TBC1D22A: variants seen among roughly 807,000 people sequenced by gnomAD.
TBC1D22A encodes TBC1 domain family member 22A.
TBC1D22A carries 38 observed loss-of-function variants against 60.2 expected under a neutral mutation model. The ratio of observed to expected loss-of-function variants is 0.63; its 90% confidence interval spans 0.49 to 0.83. TBC1D22A has a LOEUF of 0.83. Among genes scored for constraint, TBC1D22A ranks in the 40% least tolerant of loss-of-function variants. TBC1D22A has a pLI of 0.00. For synonymous variants in TBC1D22A, 302 were observed against 281.7 expected, an observed-to-expected ratio of 1.07 and a Z score of -0.72; for missense variants, 628 against 701.0, an observed-to-expected ratio of 0.90 and a Z score of 1.18.
chr22:46,852,616 C>T (rs762912353), intron 4 of TBC1D22A, among the ~76,000 whole-genome samples: 18 of 152,270 alleles, frequency 1.2e-4, no homozygotes, highest in Non-Finnish European at 2.2e-4. Context: ...GAGGCCTCTG[C>T]CTTTGCTCCA....
At chr22:46,886,777 A>C (rs2068141403) in intron 5 of TBC1D22A, among the ~76,000 whole-genome samples, 1 of 152,194 alleles carries the variant, frequency 6.6e-6, no homozygotes, top group African/African-American at 2.4e-5. Flanking sequence ...TAGATAGTAA[A>C]TATTTGAGCC....
At chr22:47,060,238 C>CTTT (rs3884803) in intron 11 of TBC1D22A, among the ~76,000 whole-genome samples, 5 of 111,634 alleles carry the variant, frequency 4.5e-5, no homozygotes, top group South Asian at 3.0e-4. Context: ...GGGTTTCTGA[C>CTTT]TTTTTTTTTT....
chr22:47,045,743 G>T (rs1307520554), intron 11 of TBC1D22A, among the ~76,000 whole-genome samples: 1 of 152,102 alleles, frequency 6.6e-6, no homozygotes. Flanking sequence ...ACCCTGTGGG[G>T]TACCTGCTGT....
chr22:47,108,609 T>C (rs561020799), intron 11 of TBC1D22A, among the ~76,000 whole-genome samples: 1 of 152,400 alleles, frequency 6.6e-6, no homozygotes, highest in African/African-American at 2.4e-5. Flanking sequence ...ATATGTCCAC[T>C]ACCTCGGTTG....
At chr22:47,004,990 C>T (rs1399761026) in intron 10 of TBC1D22A, among the ~76,000 whole-genome samples, 2 of 151,848 alleles carry the variant, frequency 1.3e-5, no homozygotes, top group East Asian at 3.9e-4. Flanking sequence ...TATGCATACA[C>T]ATACATGCCT....
chr22:46,912,283 G>A (rs1411472274), intron 8 of TBC1D22A, 95 bp downstream of exon 8: 8 of 867,310 alleles, frequency 9.2e-6, no homozygotes, highest in South Asian at 1.7e-5. Flanking sequence ...GCTACTAAGT[G>A]TAATGTTATT....
At chr22:47,068,125 G>C (rs1036071026) in intron 11 of TBC1D22A, among the ~76,000 whole-genome samples, 1 of 152,248 alleles carries the variant, frequency 6.6e-6, no homozygotes, top group African/African-American at 2.4e-5. Context: ...TAGTCACCTG[G>C]CTTGTTTTCT....
intron 8 of TBC1D22A, among the ~76,000 whole-genome samples, chr22:46,928,945 T>C (rs946026738): frequency 6.6e-6 from 1 of 151,820 alleles, no homozygotes; most frequent in Non-Finnish European, 1.5e-5. Context: ...TGTGGAGAAA[T>C]TAGAATGTGG....
chr22:46,853,470 G>A (rs1409316447), intron 4 of TBC1D22A, among the ~76,000 whole-genome samples: 1 of 152,242 alleles, frequency 6.6e-6, no homozygotes, highest in Non-Finnish European at 1.5e-5. Context: ...TGCCCACGTG[G>A]CTGGCCTTGA....
At chr22:46,855,606 G>C (rs528107229) in intron 4 of TBC1D22A, among the ~76,000 whole-genome samples, 2 of 152,306 alleles carry the variant, frequency 1.3e-5, no homozygotes, top group East Asian at 3.9e-4. Context: ...CCCTTTCACG[G>C]AGTAGCAGTG....
chr22:46,966,576 T>G (rs1041507787), intron 8 of TBC1D22A, among the ~76,000 whole-genome samples: 1 of 152,202 alleles, frequency 6.6e-6, no homozygotes, highest in Non-Finnish European at 1.5e-5. Flanking sequence ...ACATTAAAGA[T>G]CCACTCAAGC....
intron 10 of TBC1D22A, among the ~76,000 whole-genome samples, chr22:47,018,618 C>A (rs1232223907): frequency 6.6e-6 from 1 of 152,128 alleles, no homozygotes; most frequent in Non-Finnish European, 1.5e-5. Flanking sequence ...ACTTGGGCCA[C>A]GTCGCTGAGC....
Position 46,762,859 on chromosome 22 carries a change from C to A in TBC1D22A, c.62+11C>A. The A allele has an allele frequency of 1.4e-6, 2 of 1,468,394 alleles. No individual in the cohort carries two copies. The highest frequency in any genetic ancestry group is 1.8e-6 in the Non-Finnish European group (2 of 1,116,140). 91.0% of individuals were successfully genotyped at this position (1,468,394 alleles called of 1,614,324 possible). A position where few individuals can be genotyped will look rare whatever the true frequency, so the allele number is the denominator to read the frequency against. ...CAAGCTCCCGGGCAGGTGGGTGTGC[C>A]GCGGAGGGCCAGGTCGGGGTCAGGG... On this transcript the variant is annotated intron_variant, in intron 1 of 12. Transcript: ENST00000337137.
intron 11 of TBC1D22A, among the ~76,000 whole-genome samples, chr22:47,108,086 G>A (rs1425012336): frequency 1.3e-5 from 2 of 152,158 alleles, no homozygotes; most frequent in Non-Finnish European, 2.9e-5. Context: ...GGAGGCATGG[G>A]GAGAAAACAT....
chr22:46,809,038 G>T (rs1045900243), intron 4 of TBC1D22A, among the ~76,000 whole-genome samples: 1 of 152,220 alleles, frequency 6.6e-6, no homozygotes, highest in Non-Finnish European at 1.5e-5. Context: ...AGAATCTAAA[G>T]AATAGGTTAG....
chr22:46,765,519 G>A (rs904545212), intron 1 of TBC1D22A, among the ~76,000 whole-genome samples: 1 of 152,070 alleles, frequency 6.6e-6, no homozygotes, highest in Non-Finnish European at 1.5e-5. Context: ...AGGCTGGAGT[G>A]CAGTGGTGTG....
chr22:47,094,767 C>T (rs1264339610), intron 11 of TBC1D22A, among the ~76,000 whole-genome samples: 4 of 151,992 alleles, frequency 2.6e-5, no homozygotes, highest in African/African-American at 9.7e-5. Context: ...ATACATTGGA[C>T]CAGAATCCCA....
chr22:46,841,269 T>C (rs908950818), intron 4 of TBC1D22A, among the ~76,000 whole-genome samples: 2 of 152,146 alleles, frequency 1.3e-5, no homozygotes, highest in Middle Eastern at 3.2e-3. Context: ...CCTGAGGAAG[T>C]GGGTTCACTC....
chr22:46,797,085 A>G (rs938386523), intron 3 of TBC1D22A, among the ~76,000 whole-genome samples: 1 of 151,948 alleles, frequency 6.6e-6, no homozygotes, highest in African/African-American at 2.4e-5. Context: ...ACCCGAGGGC[A>G]CCGTCCTACA....
Sources: gnomAD v4.1 joint callset for allele counts (sites outside exome capture counted in the v4.1 genomes callset) on GRCh38, gnomAD v4.1.1 for gene constraint, MANE v1.5 for transcripts, NCBI Gene and HGNC (gene_info 2026-07-23, HGNC 2026-07-21) for gene names.